Variants in NEMP2 observed in about 807,000 individuals in gnomAD.
NEMP2 encodes UPF0571 transmembrane protein.
A neutral mutation model predicts 54.2 loss-of-function variants in NEMP2; 53 were observed. That is an observed-to-expected ratio of 0.98 (90% CI 0.78 to 1.23). NEMP2 has a LOEUF of 1.23. NEMP2 is among the 50% of genes most tolerant of loss of function. The probability of loss-of-function intolerance (pLI) is 0.00; values close to 1 mark genes in which losing one functional copy is unlikely to be tolerated. For synonymous variants in NEMP2, 197 were observed against 190.3 expected (o/e 1.04, Z -0.29); for missense variants, 455 against 511.3 (o/e 0.89, Z 1.06).
upstream of NEMP2, chr2:190,534,748 G>A: frequency 3.0e-6 from 3 of 990,524 alleles, no homozygotes; most frequent in Non-Finnish European, 2.6e-6. Flanking sequence ...AGAAGGCGGA[G>A]GGGGCGGTGA....
the NEMP2 span, among the ~76,000 whole-genome samples, chr2:190,554,885 G>A: frequency 6.6e-3 from 1,003 of 152,332 alleles, 2 homozygotes; most frequent in South Asian, 0.016. This position sits in a 1 kb window ranked among gnomAD's most constrained non-coding sequence, Gnocchi z 5.7. Context: ...AATAGGGGCC[G>A]ACAGACACCT....
chr2:190,645,132 C>T, the NEMP2 span, among the ~76,000 whole-genome samples: 2 of 152,160 alleles, frequency 1.3e-5, no homozygotes, highest in African/African-American at 2.4e-5. Flanking sequence ...TAAAACCATA[C>T]AAGTGATATT....
chr2:190,598,344 T>C, the NEMP2 span, among the ~76,000 whole-genome samples: 1 of 152,252 alleles, frequency 6.6e-6, no homozygotes, highest in Admixed American at 6.5e-5. Context: ...CTTCTACTTA[T>C]GGAAGTTACT....
At chr2:190,475,298 T>C in the NEMP2 span, among the ~76,000 whole-genome samples, 2 of 152,336 alleles carry the variant, frequency 1.3e-5, no homozygotes, top group South Asian at 2.1e-4. Context: ...GATGACATGA[T>C]TGTATATCTA....
chr2:190,496,773 G>A, the NEMP2 span, among the ~76,000 whole-genome samples: 1 of 152,160 alleles, frequency 6.6e-6, no homozygotes, highest in Non-Finnish European at 1.5e-5. This position sits in a 1 kb window ranked among gnomAD's most constrained non-coding sequence, Gnocchi z 4.7. Context: ...AACCTGGATG[G>A]AACTGGAGAC....
the NEMP2 span, among the ~76,000 whole-genome samples, chr2:190,590,080 A>G: frequency 6.6e-6 from 1 of 152,186 alleles, no homozygotes; most frequent in Non-Finnish European, 1.5e-5. This position sits in a 1 kb window ranked among gnomAD's most constrained non-coding sequence, Gnocchi z 5.1. Context: ...GGCACAAAGT[A>G]AAGGTCTCTA....
chr2:190,496,644 A>G, the NEMP2 span, among the ~76,000 whole-genome samples: 1 of 152,012 alleles, frequency 6.6e-6, no homozygotes, highest in African/African-American at 2.4e-5. The surrounding 1 kb of genome is among the most constrained non-coding windows in gnomAD (Gnocchi z 4.7). Context: ...GTGTATATAT[A>G]TGTATATGTG....
At position 190,534,645 on chromosome 2, in the gene NEMP2, C is replaced by G. The variant is rs1397432487; in HGVS notation, c.11G>C (p.Arg4Pro). 3.8e-6 allele frequency: 5 copies of G among 1,331,946 alleles called. No homozygotes were observed. In the South Asian group the frequency reaches 9.9e-5, roughly 26 times the overall value. 82.5% of individuals were successfully genotyped at this position (1,331,946 alleles called of 1,614,324 possible). The change falls in exon 1 of 9, where the codon CGC becomes CCC. Residue 4 changes from arginine (R) to proline (P), a missense_variant. Physicochemically the swap from Arg to Pro is moderately radical, Grantham distance 103. Around this residue, in one of 3 missense-constraint regions of NEMP2, gnomAD observed 100 missense variants for 80.2 expected, o/e 1.25. Coordinates refer to ENST00000409150, the MANE Select transcript of NEMP2 (RefSeq NM_001142645.2). MGP[R>P]QGRWWLLLWL... The stretch of plus-strand genomic sequence containing the variant: ...GAGCAGCAGCCACCACCGCCCTTGG[C>G]GCGGCCCCATTTCGTTAGGGGTCAG...
the NEMP2 span, among the ~76,000 whole-genome samples, chr2:190,558,929 T>C: frequency 6.6e-6 from 1 of 152,094 alleles, no homozygotes. This position sits in a 1 kb window ranked among gnomAD's most constrained non-coding sequence, Gnocchi z 4.4. Flanking sequence ...GTAAAGAAAA[T>C]ATGATGAAAC....
chr2:190,526,036 T>C (rs1162735013), intron 1 of NEMP2, among the ~76,000 whole-genome samples: 3 of 152,174 alleles, frequency 2.0e-5, no homozygotes, highest in African/African-American at 7.2e-5. Context: ...AGTAAAGATA[T>C]GGACAGGGTT....
the NEMP2 span, among the ~76,000 whole-genome samples, chr2:190,642,718 G>C: frequency 6.6e-6 from 1 of 152,032 alleles, no homozygotes; most frequent in African/African-American, 2.4e-5. This position sits in a 1 kb window ranked among gnomAD's most constrained non-coding sequence, Gnocchi z 4.1. Context: ...CCACCACACA[G>C]AGTGGAAAAT....
chr2:190,468,383 T>C, the NEMP2 span, among the ~76,000 whole-genome samples: 1 of 152,140 alleles, frequency 6.6e-6, no homozygotes, highest in African/African-American at 2.4e-5. Flanking sequence ...TAGTGATAGC[T>C]GGGTGTCTGA....
chr2:190,557,658 C>T, the NEMP2 span, among the ~76,000 whole-genome samples: 1 of 152,034 alleles, frequency 6.6e-6, no homozygotes, highest in East Asian at 1.9e-4. Context: ...AAAAAGTGGG[C>T]AAAGGATATG....
Position 190,509,438 on chromosome 2 carries a change from T to TG in NEMP2, c.1131-127_1131-126insC. 2.9e-6 allele frequency: 3 copies of TG among 1,052,206 alleles called. No individual in the cohort carries two copies. Among genetic ancestry groups the TG allele is most frequent in the Non-Finnish European group, 4.2e-6 (3 of 722,218 alleles). The allele number at this position is 1,052,206 out of a possible 1,614,324, so 65.2% of individuals were successfully genotyped here. A position where few individuals can be genotyped will look rare whatever the true frequency, so the allele number is the denominator to read the frequency against. ...GACTTTGCATCAATACAGGGTGGCA[T>TG]TTACACAGTGGGTGTAAAAATGGGA... On this transcript the variant is annotated intron_variant, in intron 8 of 8. Transcript: ENST00000409150. This position sits in a 1 kb window ranked among gnomAD's most constrained non-coding sequence, Gnocchi z 6.1.
rs1470981808 is a variant in NEMP2 at position 190,509,907 on chromosome 2, G to T, written c.1130+454C>A. Among the ~76,000 whole-genome samples the T allele has an allele frequency of 1.3e-5, 2 of 152,198 alleles. No homozygotes were observed. On this transcript the variant is annotated intron_variant, in intron 8 of 8. Coordinates refer to ENST00000409150, the MANE Select transcript of NEMP2 (RefSeq NM_001142645.2). This position sits in a 1 kb window ranked among gnomAD's most constrained non-coding sequence, Gnocchi z 6.1. ...ACAAAAATTAGCCGGGCATGGTGGC[G>T]CCCGCGCCTTGTAATCCCAGCTACT... is the stretch of plus-strand genomic sequence containing the variant.
the NEMP2 span, among the ~76,000 whole-genome samples, chr2:190,554,188 C>T: frequency 1.1e-4 from 17 of 152,306 alleles, no homozygotes; most frequent in African/African-American, 3.6e-4. This position sits in a 1 kb window ranked among gnomAD's most constrained non-coding sequence, Gnocchi z 5.7. Flanking sequence ...CCAGTGCCTA[C>T]GTCACCAGGG....
chr2:190,424,107 A>G, the NEMP2 span, among the ~76,000 whole-genome samples: 93,011 of 151,970 alleles, frequency 0.61, 30,591 homozygotes, highest in African/African-American at 0.86. The surrounding 1 kb of genome is among the most constrained non-coding windows in gnomAD (Gnocchi z 5.9). Context: ...CTCTTTGCAG[A>G]GTCTTTTAAA....
At chr2:190,437,394 G>A in the NEMP2 span, 2 of 1,614,198 alleles carry the variant, frequency 1.2e-6, no homozygotes, top group Non-Finnish European at 8.5e-7. The surrounding 1 kb of genome is among the most constrained non-coding windows in gnomAD (Gnocchi z 5.9). Flanking sequence ...TTGTGGCTTG[G>A]TTCATGGGTT....
chr2:190,421,676 A>C, the NEMP2 span, among the ~76,000 whole-genome samples: 69,536 of 151,868 alleles, frequency 0.46, 16,370 homozygotes, highest in Admixed American at 0.61. Flanking sequence ...GCACCTCAGC[A>C]TCCCAAGTAG....
Sources: gnomAD v4.1 joint callset for allele counts (sites outside exome capture counted in the v4.1 genomes callset) on GRCh38, gnomAD v4.1.1 for gene constraint, gnomAD v4.1.1 regional missense constraint, Gnocchi (gnomAD v3.1) non-coding constraint, MANE v1.5 for transcripts, NCBI Gene and HGNC (gene_info 2026-07-23, HGNC 2026-07-21) for gene names.